The following ELAC1 variants were observed in gnomAD, a reference collection of about 807,000 sequenced individuals.
ELAC1 encodes zinc phosphodiesterase ELAC protein 1.
A neutral mutation model predicts 25.8 loss-of-function variants in ELAC1; 19 were observed. The observed-to-expected ratio is 0.74, with a 90% CI of 0.51 to 1.08. The LOEUF (loss-of-function observed/expected upper bound fraction) is 1.08. Among genes scored for constraint, ELAC1 ranks in the 50% least tolerant of loss-of-function variants. The probability of loss-of-function intolerance (pLI) is 0.00; values close to 1 mark genes in which losing one functional copy is unlikely to be tolerated. For synonymous variants in ELAC1, 148 were observed against 160.9 expected (o/e 0.92, Z 0.61); for missense variants, 403 against 434.6 (o/e 0.93, Z 0.65).
intron 1 of ELAC1, among the ~76,000 whole-genome samples, chr18:50,971,481 A>G (rs528350619): frequency 2.0e-5 from 3 of 152,274 alleles, no homozygotes; most frequent in African/African-American, 7.2e-5. Context: ...TTAACCTTCC[A>G]GGTTCCAATG....
At chr18:50,971,609 GGTCTCAAACT>G (rs1206882377) in intron 1 of ELAC1, among the ~76,000 whole-genome samples, 5 of 151,836 alleles carry the variant, frequency 3.3e-5, no homozygotes. Context: ...TGCCTAGGCT[GGTCTCAAACT>G]CCTGGGCTCA....
chr18:50,973,707 T>G (rs1005189205), intron 1 of ELAC1, among the ~76,000 whole-genome samples: 1 of 152,134 alleles, frequency 6.6e-6, no homozygotes, highest in East Asian at 1.9e-4. Flanking sequence ...TTAGAAGGAT[T>G]TTTTTTAAAA....
At chr18:50,979,248 T>C (rs1907876574) in intron 2 of ELAC1, among the ~76,000 whole-genome samples, 3 of 152,210 alleles carry the variant, frequency 2.0e-5, no homozygotes, top group Admixed American at 6.5e-5. Flanking sequence ...TCCTAGTTAC[T>C]GTAGGTTAGG....
intron 1 of ELAC1, among the ~76,000 whole-genome samples, chr18:50,973,861 C>T (rs377370145): frequency 1.3e-5 from 2 of 152,106 alleles, no homozygotes; most frequent in Non-Finnish European, 2.9e-5. Flanking sequence ...AAATGTGCTA[C>T]ATGTGTTACA....
chr18:50,970,654 G>A (rs1367411116), intron 1 of ELAC1, among the ~76,000 whole-genome samples: 1 of 148,630 alleles, frequency 6.7e-6, no homozygotes, highest in African/African-American at 2.5e-5. Flanking sequence ...ACTAGGTAGT[G>A]TGTAGTTAGA....
chr18:50,979,042 G>GATAGTT (rs1907870388), intron 2 of ELAC1, among the ~76,000 whole-genome samples: 1 of 152,156 alleles, frequency 6.6e-6, no homozygotes, highest in Non-Finnish European at 1.5e-5. Context: ...GTAGAGACTT[G>GATAGTT]ACAGTTAACA....
At chr18:50,976,052 A>G (rs1299591201) in intron 2 of ELAC1, among the ~76,000 whole-genome samples, 1 of 152,236 alleles carries the variant, frequency 6.6e-6, no homozygotes, top group East Asian at 1.9e-4. Context: ...TGGCTAGGCT[A>G]GATGGAACTA....
chr18:50,981,073 C>G (rs1670919599), intron 2 of ELAC1, among the ~76,000 whole-genome samples: 1 of 151,486 alleles, frequency 6.6e-6, no homozygotes, highest in African/African-American at 2.4e-5. Flanking sequence ...CTAATTATCC[C>G]TCACCACACA....
Position 50,984,149 on chromosome 18 carries a change from C to A in ELAC1, c.211C>A (p.Leu71Ile). The A allele has an allele frequency of 6.2e-7, 1 of 1,613,308 alleles. No homozygotes were observed. Among genetic ancestry groups the A allele is most frequent in the Non-Finnish European group, 8.5e-7 (1 of 1,179,822 alleles). The change falls in exon 3 of 4, where the codon CTT becomes ATT. Residue 71 changes from leucine to isoleucine, a missense_variant. Leu to Ile is a conservative substitution (Grantham distance 5, BLOSUM62 2). Transcript: ENST00000269466. ...CCTTCATGGAGACCATTTCTTTGGC[C>A]TTCCTGGGCTCCTCTGCACAATCAG... The part of the protein sequence containing the change: ...THLHGDHFFG[L>I]PGLLCTISLQ...
chr18:50,974,675 G>C (rs1203151624), intron 2 of ELAC1, 114 bp downstream of exon 2: 7 of 976,568 alleles, frequency 7.2e-6, no homozygotes, highest in Non-Finnish European at 1.1e-5. Flanking sequence ...TCCCACTTCA[G>C]TGCTACACCC....
intron 2 of ELAC1, among the ~76,000 whole-genome samples, chr18:50,978,750 T>C (rs1907861640): frequency 6.6e-6 from 1 of 152,108 alleles, no homozygotes; most frequent in African/African-American, 2.4e-5. Flanking sequence ...TAAGAGGAGA[T>C]GGTCACTGAA....
chr18:50,971,385 G>T (rs1026201997), intron 1 of ELAC1, among the ~76,000 whole-genome samples: 1 of 152,082 alleles, frequency 6.6e-6, no homozygotes, highest in Admixed American at 6.6e-5. Context: ...GTGGTAAATG[G>T]TCTCTCTTTT....
At chr18:50,971,906 G>GTATATATATATA (rs1395917341) in intron 1 of ELAC1, among the ~76,000 whole-genome samples, 1 of 108,462 alleles carries the variant, frequency 9.2e-6, no homozygotes, top group African/African-American at 3.5e-5. Flanking sequence ...ATGTGTGTGT[G>GTATATATATATA]TGTGTGTATA....
rs368569894 is a variant in ELAC1 at position 50,977,874 on chromosome 18, C to A, written c.157+3313C>A. Among the ~76,000 whole-genome samples, 13 of 152,300 alleles carry A rather than the reference C, an allele frequency of 8.5e-5. No individual in the cohort carries two copies. The East Asian group carries it at 2.5e-3, about 29-fold the overall frequency. On this transcript the variant is annotated intron_variant, in intron 2 of 3. Transcript: ENST00000269466. ...GAGCACCCAAGTTACTTCTTGAATGCTTTGCTGCCTAGAAATTTCTTCTGC... is the reference window on the plus strand; with the variant it reads ...GAGCACCCAAGTTACTTCTTGAATGATTTGCTGCCTAGAAATTTCTTCTGC...
intron 2 of ELAC1, among the ~76,000 whole-genome samples, chr18:50,982,273 G>A (rs905600497): frequency 6.6e-6 from 1 of 152,178 alleles, no homozygotes; most frequent in Non-Finnish European, 1.5e-5. Context: ...GGAGCATATC[G>A]AGGAAACTTC....
At chr18:50,969,959 A>G (rs1362434060) in intron 1 of ELAC1, 1 of 152,226 alleles carries the variant, frequency 6.6e-6, no homozygotes, top group South Asian at 2.1e-4. Flanking sequence ...ATCGGACTCC[A>G]TGTTAGGATC....
At chr18:50,986,011 CTTTTTTTTTT>C (rs34348056) in intron 3 of ELAC1, among the ~76,000 whole-genome samples, 1 of 85,010 alleles carries the variant, frequency 1.2e-5, no homozygotes, top group African/African-American at 4.5e-5. Flanking sequence ...TTGATTATAT[CTTTTTTTTTT>C]TTTTTTTTTT....
At chr18:50,971,136 G>A (rs983609113) in intron 1 of ELAC1, among the ~76,000 whole-genome samples, 1 of 152,072 alleles carries the variant, frequency 6.6e-6, no homozygotes, top group African/African-American at 2.4e-5. Flanking sequence ...CACAATACAC[G>A]TCATTTTACA....
chr18:50,986,063 T>C (rs1908102602), intron 3 of ELAC1, among the ~76,000 whole-genome samples: 1 of 141,614 alleles, frequency 7.1e-6, no homozygotes, highest in Admixed American at 7.5e-5. Flanking sequence ...TTGTCCAGGC[T>C]GGAGTGCAGT....
Sources: allele counts gnomAD v4.1 joint callset (sites outside exome capture counted in the v4.1 genomes callset), GRCh38; gene constraint gnomAD v4.1.1; transcripts MANE v1.5; gene names NCBI Gene and HGNC (gene_info 2026-07-23, HGNC 2026-07-21).